CREBBP: variants seen among roughly 807,000 people sequenced by gnomAD.
CREBBP encodes CREB binding lysine acetyltransferase.
CREBBP carries 19 observed loss-of-function variants against 265.0 expected under a neutral mutation model. The observed-to-expected ratio is 0.07, with a 90% CI of 0.05 to 0.11. The LOEUF (loss-of-function observed/expected upper bound fraction) is 0.11, where lower values mean the gene tolerates loss of function less well. CREBBP is among the 10% of genes least tolerant of loss of function. The probability of loss-of-function intolerance (pLI) is 1.00; values close to 1 mark genes in which losing one functional copy is unlikely to be tolerated. For synonymous variants in CREBBP, 1,457 were observed against 1,223.7 expected (o/e 1.19, Z -3.98); for missense variants, 2,525 against 3,219.0 (o/e 0.78, Z 5.22).
intron 19 of CREBBP, among the ~76,000 whole-genome samples, chr16:3,755,329 C>A (rs951048815): frequency 8.5e-5 from 13 of 152,164 alleles, no homozygotes; most frequent in African/African-American, 3.1e-4. Context: ...CAGGAACAGG[C>A]CCCACAACAC....
At chr16:3,874,623 G>A (rs2055363312) in intron 1 of CREBBP, among the ~76,000 whole-genome samples, 2 of 152,140 alleles carry the variant, frequency 1.3e-5, no homozygotes, top group South Asian at 2.1e-4. Context: ...GGAAGTCTGC[G>A]GACCCATAAT....
intron 1 of CREBBP, among the ~76,000 whole-genome samples, chr16:3,870,134 T>A (rs1238444108): frequency 2.6e-5 from 4 of 152,022 alleles, no homozygotes; most frequent in Non-Finnish European, 5.9e-5. Flanking sequence ...ACGGGGTAAC[T>A]TTTACTTATA....
chr16:3,727,649 C>T lies in CREBBP; in HGVS notation c.*69G>A. ...AGTTCCATCTAGGAATAAAAAGAAC[C>T]TAGATGCCTGGATTTTCAGTACAAA... On this transcript the variant is annotated 3_prime_UTR_variant, in exon 31 of 31. Transcript: ENST00000262367. The T allele has an allele frequency of 6.2e-7, 1 of 1,613,230 alleles. No homozygotes were observed. The highest frequency in any genetic ancestry group is 2.2e-5 in the East Asian group (1 of 44,864).
At chr16:3,844,552 T>C (rs2141462395) in intron 2 of CREBBP, among the ~76,000 whole-genome samples, 1 of 152,320 alleles carries the variant, frequency 6.6e-6, no homozygotes, top group South Asian at 2.1e-4. Context: ...AAAGCTCACA[T>C]TATTCTTAAT....
chr16:3,854,913 C>T (rs375059983), intron 1 of CREBBP, among the ~76,000 whole-genome samples: 1 of 152,180 alleles, frequency 6.6e-6, no homozygotes, highest in Non-Finnish European at 1.5e-5. Context: ...TGAAGAAAAA[C>T]CGAGACTGAG....
chr16:3,841,112 A>C (rs937239659), intron 2 of CREBBP: 5 of 153,746 alleles, frequency 3.3e-5, no homozygotes, highest in Non-Finnish European at 7.4e-5. Context: ...AAATTTTGAT[A>C]ATGAGTTCTA....
At position 3,850,712 on chromosome 16, in the gene CREBBP, G is replaced by A. The variant is rs55790011; in HGVS notation, c.383C>T (p.Ser128Phe). The change falls in exon 2 of 31, where the codon TCT becomes TTT. Residue 128 changes from serine (S) to phenylalanine (F), a missense_variant. Ser to Phe is a radical substitution (Grantham distance 155). Around this residue, in one of 19 missense-constraint regions of CREBBP, gnomAD observed 356 missense variants for 340.4 expected, o/e 1.05. Coordinates refer to ENST00000262367, the MANE Select transcript of CREBBP (RefSeq NM_004380.3). Reference sequence around the variant, plus strand: ...CTGTTTAGGCAGGCTGGGGGCTGAAGAATCTCCCTGGCTCAGAGGGCTCTT... The same window carrying A: ...CTGTTTAGGCAGGCTGGGGGCTGAAAAATCTCCCTGGCTCAGAGGGCTCTT... Reference protein sequence around the residue: ...MGKSPLSQGDSSAPSLPKQAA... With the variant: ...MGKSPLSQGDFSAPSLPKQAA... The A allele has an allele frequency of 5.0e-6, 8 of 1,614,132 alleles. No homozygotes were observed. The highest frequency in any genetic ancestry group is 6.8e-6 in the Non-Finnish European group (8 of 1,180,044).
At chr16:3,816,882 T>G (rs1019137518) in intron 2 of CREBBP, among the ~76,000 whole-genome samples, 14 of 152,078 alleles carry the variant, frequency 9.2e-5, no homozygotes, top group African/African-American at 3.4e-4. Flanking sequence ...CCCCTAGGAA[T>G]AGAGCCAGGA....
Position 3,727,673 on chromosome 16 carries a change from A to G in CREBBP, c.*45T>C. 2 of 1,613,468 alleles carry G rather than the reference A, an allele frequency of 1.2e-6. No individual in the cohort carries two copies. The highest frequency in any genetic ancestry group is 2.2e-5 in the East Asian group (1 of 44,870). ...CCTAGATGCCTGGATTTTCAGTACA[A>G]AAGGTCCAAGAACATGAAAGGGAAA... On this transcript the variant is annotated 3_prime_UTR_variant, in exon 31 of 31. Transcript: ENST00000262367.
intron 3 of CREBBP, among the ~76,000 whole-genome samples, chr16:3,800,352 G>C (rs1398558885): frequency 2.0e-5 from 3 of 152,164 alleles, no homozygotes; most frequent in Non-Finnish European, 2.9e-5. Flanking sequence ...CTCCTGGGCA[G>C]AAGCAATTAT....
chr16:3,879,901 G>T lies in CREBBP; in HGVS notation c.16C>A (p.Leu6Met). Residue 6 changes from leucine (L) to methionine (M), a missense_variant, in exon 1 of 31, where the codon CTG becomes ATG. Physicochemically the swap from Leu to Met is conservative, Grantham distance 15. Transcript: ENST00000262367. Reference sequence around the variant, plus strand: ...CTTTTGGGGTTGGGCGGTCCGTCCAGCAAGTTCTCAGCCATTTTCACCTGC... The same window carrying T: ...CTTTTGGGGTTGGGCGGTCCGTCCATCAAGTTCTCAGCCATTTTCACCTGC... MAENL[L>M]DGPPNPKRAK... 1 of 1,612,588 alleles carries T rather than the reference G, an allele frequency of 6.2e-7. No homozygotes were observed. Among genetic ancestry groups the T allele is most frequent in the Non-Finnish European group, 8.5e-7 (1 of 1,179,316 alleles).
intron 2 of CREBBP, among the ~76,000 whole-genome samples, chr16:3,849,445 G>GA (rs2054766901): frequency 1.7e-4 from 4 of 24,230 alleles, no homozygotes; most frequent in African/African-American, 2.8e-4. Context: ...GTGTGTGTGT[G>GA]TGTGTGTGTG....
chr16:3,729,152 C>T lies in CREBBP; in HGVS notation c.5895G>A (p.Glu1965=), dbSNP rs2151307463. The T allele has an allele frequency of 6.4e-7, 1 of 1,553,526 alleles. No individual in the cohort carries two copies. Among genetic ancestry groups the T allele is most frequent in the Non-Finnish European group, 8.6e-7 (1 of 1,156,930 alleles). ...GGTACAGGTGCTGCTGCTGCTGGGC[C>T]TCACGCTCGATCTGCCGAGCCGCTT... is the stretch of plus-strand genomic sequence containing the variant. ...AVEAARQIER[E]AQQQQHLYRV... Residue 1965 remains glutamate, a synonymous_variant, in exon 31 of 31, where the codon GAG becomes GAA. Coordinates refer to ENST00000262367, the MANE Select transcript of CREBBP (RefSeq NM_004380.3).
intron 2 of CREBBP, among the ~76,000 whole-genome samples, chr16:3,843,183 G>T (rs1267646472): frequency 6.6e-6 from 1 of 152,116 alleles, no homozygotes; most frequent in Non-Finnish European, 1.5e-5. Context: ...TGGCCAGACC[G>T]TGTGGATGCA....
At chr16:3,741,276 T>C (rs1299013460) in intron 23 of CREBBP, 2 of 153,388 alleles carry the variant, frequency 1.3e-5, no homozygotes, top group African/African-American at 4.8e-5. Flanking sequence ...TAAGGGAAAG[T>C]TGCAAAAGGT....
chr16:3,760,402 T>G (rs1221194238), intron 16 of CREBBP, among the ~76,000 whole-genome samples: 2 of 114,472 alleles, frequency 1.7e-5, no homozygotes, highest in Non-Finnish European at 3.3e-5. Context: ...TTTTTTTTTT[T>G]TTTTTTTTTT....
intron 8 of CREBBP, 55 bp downstream of exon 8, chr16:3,780,677 T>A (rs928513578): frequency 2.5e-6 from 4 of 1,595,804 alleles, no homozygotes; most frequent in Non-Finnish European, 3.4e-6. Context: ...TGGTAGCCAA[T>A]GGGCAACACA....
chr16:3,767,369 ATCACTGGT>A (rs2052880177), intron 16 of CREBBP: 1 of 326,730 alleles, frequency 3.1e-6, no homozygotes, highest in East Asian at 6.5e-5. Context: ...ACTCACATAC[ATCACTGGT>A]TCTTTATACT....
At chr16:3,861,013 C>T (rs1157646498) in intron 1 of CREBBP, among the ~76,000 whole-genome samples, 1 of 152,136 alleles carries the variant, frequency 6.6e-6, no homozygotes, top group Admixed American at 6.5e-5. Flanking sequence ...TGGCTCATGC[C>T]TGTAATCCCA....
Sources: gnomAD v4.1 joint callset for allele counts (sites outside exome capture counted in the v4.1 genomes callset) on GRCh38, gnomAD v4.1.1 for gene constraint, gnomAD v4.1.1 regional missense constraint, MANE v1.5 for transcripts, NCBI Gene and HGNC (gene_info 2026-07-23, HGNC 2026-07-21) for gene names.